The following PLEKHD1 variants were observed in gnomAD, a reference collection of about 807,000 sequenced individuals.
PLEKHD1 encodes pleckstrin homology and coiled-coil domain containing D1.
A neutral mutation model predicts 69.2 loss-of-function variants in PLEKHD1; 51 were observed. The ratio of observed to expected loss-of-function variants is 0.74; its 90% CI spans 0.59 to 0.93. The LOEUF (loss-of-function observed/expected upper bound fraction) is 0.93. Among genes scored for constraint, PLEKHD1 ranks in the 40% least tolerant of loss-of-function variants. The pLI, the probability that PLEKHD1 is intolerant of heterozygous loss-of-function variation, is 0.00. For synonymous variants in PLEKHD1, 236 were observed against 244.7 expected, an observed-to-expected ratio of 0.96 and a Z score of 0.33; for missense variants, 584 against 641.0, an observed-to-expected ratio of 0.91 and a Z score of 0.96.
intron 1 of PLEKHD1, among the ~76,000 whole-genome samples, chr14:69,499,014 T>A (rs1211321555): frequency 6.6e-6 from 1 of 152,094 alleles, no homozygotes; most frequent in Non-Finnish European, 1.5e-5. Flanking sequence ...TGCTGGCAAA[T>A]GCTTACACTA....
intron 1 of PLEKHD1, among the ~76,000 whole-genome samples, chr14:69,498,992 C>T (rs926282774): frequency 4.6e-5 from 7 of 152,074 alleles, no homozygotes; most frequent in South Asian, 2.1e-4. Context: ...AGGGCCCATT[C>T]GACCAGTGGC....
chr14:69,509,662 G>A (rs1260613206), intron 6 of PLEKHD1, among the ~76,000 whole-genome samples: 2 of 151,580 alleles, frequency 1.3e-5, no homozygotes, highest in East Asian at 2.0e-4. Flanking sequence ...CTTAGGCCAC[G>A]CACGGTGGCT....
chr14:69,509,052 A>G (rs545874596), intron 6 of PLEKHD1, among the ~76,000 whole-genome samples: 1 of 152,080 alleles, frequency 6.6e-6, no homozygotes, highest in Non-Finnish European at 1.5e-5. Context: ...TTTTATGGAG[A>G]TGGGGTCTTG....
the PLEKHD1 span, among the ~76,000 whole-genome samples, chr14:69,470,929 C>T: frequency 2.0e-5 from 3 of 151,780 alleles, no homozygotes; most frequent in Non-Finnish European, 2.9e-5. Flanking sequence ...GTAGCTGGGA[C>T]TACAGGTGCC....
At chr14:69,477,241 C>A in the PLEKHD1 span, among the ~76,000 whole-genome samples, 1 of 152,152 alleles carries the variant, frequency 6.6e-6, no homozygotes, top group Non-Finnish European at 1.5e-5. Context: ...CTTTTTAAAT[C>A]ATCAGATCTG....
the PLEKHD1 span, among the ~76,000 whole-genome samples, chr14:69,470,361 A>G: frequency 6.6e-6 from 1 of 151,724 alleles, no homozygotes; most frequent in African/African-American, 2.4e-5. Flanking sequence ...TACTCGGGAT[A>G]CTGAGGCATG....
Position 69,527,811 on chromosome 14 carries a change from C to T in PLEKHD1, c.1230C>T (p.Ala410=), listed in dbSNP as rs375145058. The T allele has an allele frequency of 2.2e-4, 341 of 1,551,464 alleles. No individual in the cohort carries two copies. The African/African-American group carries it at 4.1e-3, about 19-fold the overall frequency. ...TCTTTGAGGAGTGCATCCGGAATGC[C>T]GAGCTGGAGGCCAAGATGCCTGTGA... is the stretch of plus-strand genomic sequence containing the variant. ...KRFFEECIRN[A]ELEAKMPVIM... is the part of the protein sequence containing the mutation. Residue 410 remains alanine, a synonymous_variant, in exon 12 of 13, where the codon GCC becomes GCT. Coordinates refer to ENST00000322564, the MANE Select transcript of PLEKHD1 (RefSeq NM_001161498.2).
At position 69,524,323 on chromosome 14, in the gene PLEKHD1, G is replaced by T. The variant is rs774654934; in HGVS notation, c.744+1G>T. 1 of 1,551,040 alleles carries T rather than the reference G, an allele frequency of 6.4e-7. No individual in the cohort carries two copies. The highest frequency in any genetic ancestry group is 8.7e-7 in the Non-Finnish European group (1 of 1,146,508). On this transcript the variant is annotated splice_donor_variant, in intron 8 of 12. Transcript: ENST00000322564. LOFTEE classifies it high-confidence loss of function. ...GGAGTCCTTGCAGCAGACACTGGAG[G>T]TGAGGGGCTGCTGGTGGGTTAGTTG...
At chr14:69,471,718 C>T in the PLEKHD1 span, among the ~76,000 whole-genome samples, 1 of 152,144 alleles carries the variant, frequency 6.6e-6, no homozygotes, top group African/African-American at 2.4e-5. Flanking sequence ...GGGCTCCCCA[C>T]ACTTTCCCAT....
intron 6 of PLEKHD1, among the ~76,000 whole-genome samples, chr14:69,511,120 T>C (rs1883261197): frequency 6.6e-6 from 1 of 152,110 alleles, no homozygotes; most frequent in African/African-American, 2.4e-5. Flanking sequence ...TATTATTCGT[T>C]TGGATTTGGT....
chr14:69,505,685 A>G (rs1394373103), intron 6 of PLEKHD1, among the ~76,000 whole-genome samples: 1 of 152,206 alleles, frequency 6.6e-6, no homozygotes, highest in East Asian at 1.9e-4. Flanking sequence ...GCGAGGCCCA[A>G]TGAAGTAGAA....
intron 1 of PLEKHD1, among the ~76,000 whole-genome samples, chr14:69,488,907 C>G (rs531834713): frequency 6.6e-6 from 1 of 152,296 alleles, no homozygotes; most frequent in East Asian, 1.9e-4. Context: ...ACCCATCACC[C>G]TCTTCCCTTT....
At chr14:69,479,206 G>A in the PLEKHD1 span, among the ~76,000 whole-genome samples, 17 of 152,258 alleles carry the variant, frequency 1.1e-4, no homozygotes, top group Admixed American at 2.0e-4. Context: ...CATGAGAACA[G>A]CACTGGAAAG....
intron 7 of PLEKHD1, among the ~76,000 whole-genome samples, chr14:69,523,397 C>G (rs535021096): frequency 1.3e-5 from 2 of 152,110 alleles, no homozygotes; most frequent in Non-Finnish European, 2.9e-5. Context: ...TTTCTTATAA[C>G]AACCTTATCC....
intron 1 of PLEKHD1, among the ~76,000 whole-genome samples, chr14:69,497,937 A>G (rs542868328): frequency 6.6e-6 from 1 of 152,242 alleles, no homozygotes; most frequent in South Asian, 2.1e-4. Context: ...CTGTAATCCC[A>G]GCACTTTGAG....
At chr14:69,499,980 G>A (rs1594978892) in intron 1 of PLEKHD1, 135 bp from the exon 2 acceptor site, 1 of 644,696 alleles carries the variant, frequency 1.6e-6, no homozygotes, top group East Asian at 2.7e-5. Context: ...TGGAGCTTGA[G>A]TTGGTAAGGA....
intron 6 of PLEKHD1, among the ~76,000 whole-genome samples, chr14:69,510,275 T>A (rs1477886280): frequency 6.6e-6 from 1 of 152,224 alleles, no homozygotes; most frequent in Non-Finnish European, 1.5e-5. Flanking sequence ...AATCTATAGA[T>A]CAAGTTGGGA....
intron 1 of PLEKHD1, among the ~76,000 whole-genome samples, chr14:69,498,585 TGTTTTCTCTTCTC>T (rs1231518684): frequency 6.6e-6 from 1 of 151,360 alleles, no homozygotes; most frequent in Non-Finnish European, 1.5e-5. Context: ...GGTTTCTTTT[TGTTTTCTCTTCTC>T]TTCTCTTCTC....
rs1369040275 is a variant in PLEKHD1, at chr14:69,515,154, C to T, written c.556-7129C>T. Among the ~76,000 whole-genome samples, 5 of 152,256 alleles carry T rather than the reference C, an allele frequency of 3.3e-5. No individual in the cohort carries two copies. The South Asian group carries it at 6.2e-4, about 19-fold the overall frequency. On this transcript the variant is annotated intron_variant, in intron 6 of 12. Coordinates refer to ENST00000322564, the MANE Select transcript of PLEKHD1 (RefSeq NM_001161498.2). ...CAGAGGTTGCAGTGAGCCAAGATCA[C>T]GCCACTGCACTCCAGCCTGGGTGAC...
Sources: gnomAD v4.1 joint callset for allele counts (sites outside exome capture counted in the v4.1 genomes callset) on GRCh38, gnomAD v4.1.1 for gene constraint, MANE v1.5 for transcripts, NCBI Gene and HGNC (gene_info 2026-07-23, HGNC 2026-07-21) for gene names.